SNX24: variants seen among roughly 807,000 people sequenced by gnomAD.
SNX24 encodes sorting nexin 24.
SNX24 carries 22 observed loss-of-function variants against 28.7 expected under a neutral mutation model. The ratio of observed to expected loss-of-function variants is 0.77; its 90% CI spans 0.55 to 1.10. SNX24 has a LOEUF of 1.10. Ranked by LOEUF, SNX24 falls within the 50% of genes least tolerant of loss-of-function variation. SNX24 has a pLI of 0.00. For synonymous variants in SNX24, 69 were observed against 71.5 expected (o/e 0.96, Z 0.18); for missense variants, 221 against 201.1 (o/e 1.10, Z -0.60).
chr5:122,950,560 AC>A (rs1759895461), intron 3 of SNX24, among the ~76,000 whole-genome samples: 1 of 152,204 alleles, frequency 6.6e-6, no homozygotes, highest in Non-Finnish European at 1.5e-5. Flanking sequence ...ATAGCCTAGT[AC>A]AGAGGAAAAG....
At chr5:122,852,572 C>T (rs1196047599) in intron 1 of SNX24, among the ~76,000 whole-genome samples, 2 of 151,920 alleles carry the variant, frequency 1.3e-5, no homozygotes, top group Non-Finnish European at 2.9e-5. Context: ...CGAACTTCTG[C>T]GTTCAAGTGA....
chr5:122,878,189 C>T (rs926658746), intron 1 of SNX24, among the ~76,000 whole-genome samples: 2 of 152,120 alleles, frequency 1.3e-5, no homozygotes, highest in Middle Eastern at 3.2e-3. Context: ...GGTGCCACTT[C>T]CTTGTTTTGT....
At chr5:122,915,793 C>A (rs936957060) in intron 1 of SNX24, among the ~76,000 whole-genome samples, 1 of 152,210 alleles carries the variant, frequency 6.6e-6, no homozygotes, top group African/African-American at 2.4e-5. Flanking sequence ...GCTCCAGAGC[C>A]CTCCTGTGCC....
intron 1 of SNX24, among the ~76,000 whole-genome samples, chr5:122,854,518 A>G (rs1317829796): frequency 7.7e-6 from 1 of 130,642 alleles, no homozygotes; most frequent in African/African-American, 4.5e-5. Flanking sequence ...AAAAAAACAA[A>G]AAAAAAAAAC....
intron 6 of SNX24, among the ~76,000 whole-genome samples, chr5:123,007,162 T>C (rs1208880298): frequency 1.3e-5 from 2 of 152,098 alleles, no homozygotes; most frequent in African/African-American, 2.4e-5. Flanking sequence ...TGTTGGAAAT[T>C]TGCCCTTTTA....
intron 1 of SNX24, among the ~76,000 whole-genome samples, chr5:122,907,048 TTCC>T (rs2150085152): frequency 6.6e-6 from 1 of 152,288 alleles, no homozygotes; most frequent in African/African-American, 2.4e-5. Flanking sequence ...GAAAACGTTA[TTCC>T]CTTTTCACTT....
chr5:122,916,534 G>A (rs1758175141), intron 1 of SNX24, among the ~76,000 whole-genome samples: 1 of 152,082 alleles, frequency 6.6e-6, no homozygotes, highest in Non-Finnish European at 1.5e-5. Flanking sequence ...TTTATTCTGA[G>A]CCTTGATCCT....
Position 122,870,501 on chromosome 5 carries a change from T to G in SNX24, c.60+24808T>G, listed in dbSNP as rs182743719. ...GTTCCTTAGCCTGCAGCTTTGTACC[T>G]AAGTTTAGTGTATTCAGAACAGCAT... On this transcript the variant is annotated intron_variant, in intron 1 of 6. Transcript: ENST00000261369. Among the ~76,000 whole-genome samples, 398 of 152,278 alleles carry G rather than the reference T, an allele frequency of 2.6e-3. 8 individuals carry two copies. The highest frequency in any genetic ancestry group is 4.9e-4 in the Non-Finnish European group (33 of 68,026).
intron 1 of SNX24, among the ~76,000 whole-genome samples, chr5:122,864,652 G>A (rs1166162939): frequency 6.6e-6 from 1 of 152,214 alleles, no homozygotes; most frequent in East Asian, 1.9e-4. Context: ...CACTGAGTCA[G>A]TTCCTGGGTG....
At chr5:122,864,447 G>A (rs899437558) in intron 1 of SNX24, among the ~76,000 whole-genome samples, 1 of 152,214 alleles carries the variant, frequency 6.6e-6, no homozygotes, top group Non-Finnish European at 1.5e-5. Flanking sequence ...CAGGGGAACC[G>A]CAACAGAGAA....
downstream of SNX24, among the ~76,000 whole-genome samples, chr5:123,011,751 C>T (rs2150184369): frequency 6.6e-6 from 1 of 152,326 alleles, no homozygotes; most frequent in African/African-American, 2.4e-5. Context: ...GTTGCAGCCT[C>T]TGTGGGAAAT....
intron 2 of SNX24, 106 bp from the exon 3 acceptor site, chr5:122,945,946 CAGT>C (rs1303030370): frequency 5.3e-6 from 3 of 568,802 alleles, no homozygotes; most frequent in South Asian, 2.6e-5. Flanking sequence ...TTGCAGATAG[CAGT>C]AGTTCACTTT....
rs1055281404 is a variant in SNX24 at position 122,893,614 on chromosome 5, T to G, written c.61-43120T>G. Among the ~76,000 whole-genome samples, 9 of 152,348 alleles carry G rather than the reference T, an allele frequency of 5.9e-5. No homozygotes were observed. In the South Asian group the frequency reaches 1.9e-3, roughly 32 times the overall value. On this transcript the variant is annotated intron_variant, in intron 1 of 6. Coordinates refer to ENST00000261369, the MANE Select transcript of SNX24 (RefSeq NM_014035.4). Reference sequence around the variant, plus strand: ...TCATTTTGTATCTCTTTTTCCCTCATGCATAATAATTCTAGCATTTCAGCC... The same window carrying G: ...TCATTTTGTATCTCTTTTTCCCTCAGGCATAATAATTCTAGCATTTCAGCC...
In SNX24 at chr5:122,907,905, T is replaced by A. The variant is rs993213549; in HGVS notation, c.61-28829T>A. 1.2e-4 allele frequency among the ~76,000 whole-genome samples: 18 copies of A among 151,632 alleles called. No homozygotes were observed. In the East Asian group the frequency reaches 1.9e-3, roughly 16 times the overall value. The stretch of plus-strand genomic sequence containing the variant: ...CTGAATGGTAATTTTTTTTTTTTTT[T>A]AATTTTCTTTTAAGGACAGCACAAT... On this transcript the variant is annotated intron_variant, in intron 1 of 6. Coordinates refer to ENST00000261369, the MANE Select transcript of SNX24 (RefSeq NM_014035.4).
At chr5:122,863,207 CA>C (rs1358281500) in intron 1 of SNX24, among the ~76,000 whole-genome samples, 1 of 152,082 alleles carries the variant, frequency 6.6e-6, no homozygotes, top group African/African-American at 2.4e-5. Flanking sequence ...GGGGGATCAT[CA>C]GAGAATCCTT....
intron 1 of SNX24, among the ~76,000 whole-genome samples, chr5:122,855,819 C>T (rs1273656089): frequency 6.6e-6 from 1 of 152,070 alleles, no homozygotes; most frequent in Admixed American, 6.6e-5. Flanking sequence ...CATGAGGAGT[C>T]CATTGTAGGG....
intron 5 of SNX24, chr5:123,023,839 C>T (rs750629331): frequency 6.2e-7 from 1 of 1,609,314 alleles, no homozygotes; most frequent in South Asian, 1.1e-5. Context: ...CACACACACC[C>T]CTGCCAAAGC....
Position 122,891,172 on chromosome 5 carries a change from G to GTT in SNX24, c.60+45486_60+45487dup. ...TTTACCTAGTGTTTTTTTGTTTTTT[G>GTT]TTTTTTTTCCTAAGTAGTTTATTTT... On this transcript the variant is annotated intron_variant, in intron 1 of 6. Coordinates refer to ENST00000261369, the MANE Select transcript of SNX24 (RefSeq NM_014035.4). 3 of 1,401,128 alleles carry GTT rather than the reference G, an allele frequency of 2.1e-6. No individual in the cohort carries two copies. In the South Asian group the frequency reaches 5.1e-5, roughly 24 times the overall value. 86.8% of individuals were successfully genotyped at this position (1,401,128 alleles called of 1,614,324 possible).
intron 1 of SNX24, chr5:122,891,020 C>A: frequency 6.8e-7 from 1 of 1,475,506 alleles, no homozygotes; most frequent in Non-Finnish European, 9.0e-7. Context: ...TCTGTCTTAC[C>A]TCTCAGGTGG....
Sources: gnomAD v4.1 joint callset for allele counts (sites outside exome capture counted in the v4.1 genomes callset) on GRCh38, gnomAD v4.1.1 for gene constraint, MANE v1.5 for transcripts, NCBI Gene and HGNC (gene_info 2026-07-23, HGNC 2026-07-21) for gene names.